The following SMOC1 variants were observed in gnomAD, a reference collection of about 807,000 sequenced individuals.
The protein encoded by SMOC1 is SPARC related modular calcium binding 1.
In SMOC1, 22 loss-of-function variants were observed where a neutral mutation model predicts 56.3. The observed-to-expected ratio is 0.39, with a 90% CI of 0.28 to 0.56. The LOEUF (loss-of-function observed/expected upper bound fraction) is 0.56, where lower values mean the gene tolerates loss of function less well. Among genes scored for constraint, SMOC1 ranks in the 20% least tolerant of loss-of-function variants. The pLI, the probability that SMOC1 is intolerant of heterozygous loss-of-function variation, is 0.61. For missense variants in SMOC1, 509 were observed against 565.4 expected, an observed-to-expected ratio of 0.90 and a Z score of 1.01; for synonymous variants, 193 against 215.0, an observed-to-expected ratio of 0.90 and a Z score of 0.89.
intron 1 of SMOC1, 96 bp downstream of exon 1, chr14:69,879,873 C>T: frequency 8.7e-7 from 1 of 1,145,798 alleles, no homozygotes; most frequent in Non-Finnish European, 1.2e-6. Flanking sequence ...AGAGAGATGT[C>T]AGAGACCTGT....
chr14:69,981,488 C>G (rs1365702046), intron 5 of SMOC1, among the ~76,000 whole-genome samples: 1 of 152,158 alleles, frequency 6.6e-6, no homozygotes, highest in African/African-American at 2.4e-5. Flanking sequence ...TCCCCTTCTT[C>G]TCCTTTGGTC....
At chr14:70,009,979 C>G (rs1047608605) in intron 7 of SMOC1, among the ~76,000 whole-genome samples, 5 of 152,174 alleles carry the variant, frequency 3.3e-5, no homozygotes, top group African/African-American at 1.2e-4. Flanking sequence ...ATGTGAGATG[C>G]CCTGGAGCTG....
chr14:69,975,344 A>T (rs1434465646), intron 3 of SMOC1, among the ~76,000 whole-genome samples: 2 of 152,158 alleles, frequency 1.3e-5, no homozygotes, highest in African/African-American at 2.4e-5. Context: ...CTGTGTCTCA[A>T]AAATAGGGTG....
intron 3 of SMOC1, among the ~76,000 whole-genome samples, chr14:69,969,614 C>T (rs537388906): frequency 9.9e-5 from 15 of 152,266 alleles, no homozygotes; most frequent in East Asian, 7.7e-4. Context: ...CCACCTCCCA[C>T]GCTGGGGATT....
At chr14:69,908,338 A>G (rs1438757635) in intron 1 of SMOC1, among the ~76,000 whole-genome samples, 2 of 152,250 alleles carry the variant, frequency 1.3e-5, no homozygotes, top group African/African-American at 4.8e-5. Flanking sequence ...GTAAAACCAA[A>G]GCAACCACTG....
At chr14:69,973,565 G>A (rs1191520494) in intron 3 of SMOC1, among the ~76,000 whole-genome samples, 1 of 152,218 alleles carries the variant, frequency 6.6e-6, no homozygotes, top group African/African-American at 2.4e-5. Flanking sequence ...GTGGGTGTGG[G>A]ACATGGTACT....
In SMOC1 at chr14:70,011,506, G is replaced by A; in HGVS notation, c.879G>A (p.Glu293=). ...TSTRYVMPSC[E]SDARAKTTEA... Reference sequence around the variant, plus strand: ...CCAGCTACGTGATGCCCAGTTGTGAGAGCGACGCCAGGGCCAAGACTACAG... The same window carrying A: ...CCAGCTACGTGATGCCCAGTTGTGAAAGCGACGCCAGGGCCAAGACTACAG... Residue 293 remains glutamate (E), a synonymous_variant, in exon 9 of 12, where the codon GAG becomes GAA. Coordinates refer to ENST00000361956, the MANE Select transcript of SMOC1 (RefSeq NM_001034852.3). 2 of 1,611,816 alleles carry A rather than the reference G, an allele frequency of 1.2e-6. No homozygotes were observed. Among genetic ancestry groups the A allele is most frequent in the South Asian group, 2.2e-5 (2 of 91,006 alleles).
At chr14:69,981,762 G>A (rs1364942843) in intron 5 of SMOC1, among the ~76,000 whole-genome samples, 1 of 152,222 alleles carries the variant, frequency 6.6e-6, no homozygotes, top group Admixed American at 6.5e-5. Flanking sequence ...AGATCAAGAA[G>A]TTATCCTGCA....
intron 11 of SMOC1, 77 bp from the exon 12 acceptor site, chr14:70,030,165 G>A: frequency 1.2e-6 from 2 of 1,601,662 alleles, no homozygotes; most frequent in Admixed American, 1.7e-5. Flanking sequence ...TTTCTCACAA[G>A]CCCAACTCTA....
chr14:69,906,365 T>G (rs1422217414), intron 1 of SMOC1, among the ~76,000 whole-genome samples: 1 of 152,224 alleles, frequency 6.6e-6, no homozygotes, highest in Non-Finnish European at 1.5e-5. Flanking sequence ...TTTGAAGGAC[T>G]CAGGTTACAG....
At chr14:69,949,422 G>A (rs1882913612) in intron 1 of SMOC1, among the ~76,000 whole-genome samples, 1 of 152,208 alleles carries the variant, frequency 6.6e-6, no homozygotes, top group Non-Finnish European at 1.5e-5. Context: ...CGGGGGAGGT[G>A]TTCACAGGCA....
intron 5 of SMOC1, among the ~76,000 whole-genome samples, chr14:69,989,796 T>C (rs1884497131): frequency 1.3e-5 from 2 of 152,320 alleles, no homozygotes; most frequent in Non-Finnish European, 2.9e-5. Flanking sequence ...AGAACTGATG[T>C]AGACCTTGGA....
intron 1 of SMOC1, among the ~76,000 whole-genome samples, chr14:69,943,842 G>A (rs1464816299): frequency 6.6e-6 from 1 of 152,176 alleles, no homozygotes; most frequent in Non-Finnish European, 1.5e-5. Context: ...TTCTCCTGGG[G>A]GCAACTACTA....
intron 1 of SMOC1, among the ~76,000 whole-genome samples, chr14:69,930,876 A>T (rs541437563): frequency 2.6e-5 from 4 of 152,292 alleles, no homozygotes; most frequent in African/African-American, 7.2e-5. Flanking sequence ...TGCTTCCAGA[A>T]TCTTCCTCTA....
chr14:69,885,463 G>A (rs1298576612), intron 1 of SMOC1: 14 of 1,601,004 alleles, frequency 8.7e-6, no homozygotes, highest in African/African-American at 1.3e-5. Context: ...ATCTGTCATT[G>A]TAATTGGTCC....
intron 3 of SMOC1, among the ~76,000 whole-genome samples, chr14:69,971,893 T>C (rs1883775411): frequency 1.3e-5 from 2 of 152,216 alleles, no homozygotes; most frequent in African/African-American, 4.8e-5. Flanking sequence ...CTCAGGCTGC[T>C]CAGAATAGGA....
chr14:69,954,239 C>T lies in SMOC1; in HGVS notation c.378+707C>T, dbSNP rs928719912. 9.2e-5 allele frequency among the ~76,000 whole-genome samples: 14 copies of T among 152,178 alleles called. No homozygotes were observed. In the South Asian group the frequency reaches 1.5e-3, roughly 16 times the overall value. On this transcript the variant is annotated intron_variant, in intron 3 of 11. Coordinates refer to ENST00000361956, the MANE Select transcript of SMOC1 (RefSeq NM_001034852.3). Reference sequence around the variant, plus strand: ...CTCACTCCAGGCTGGAGAGCAGTGGCACAATCATAGCTCATTGCAGCCTTG... The same window carrying T: ...CTCACTCCAGGCTGGAGAGCAGTGGTACAATCATAGCTCATTGCAGCCTTG...
chr14:69,959,571 A>G (rs931381488), intron 3 of SMOC1, among the ~76,000 whole-genome samples: 2 of 152,138 alleles, frequency 1.3e-5, no homozygotes, highest in African/African-American at 4.8e-5. Flanking sequence ...ATATAGTTGT[A>G]TGGGCACTAC....
intron 7 of SMOC1, among the ~76,000 whole-genome samples, chr14:69,997,420 G>A (rs148196763): frequency 0.01 from 1,533 of 152,352 alleles, 13 homozygotes; most frequent in Middle Eastern, 0.034. Flanking sequence ...GCAAAAGCAT[G>A]GGCTTTGGTG....
Sources: gnomAD v4.1 joint callset for allele counts (sites outside exome capture counted in the v4.1 genomes callset) on GRCh38, gnomAD v4.1.1 for gene constraint, MANE v1.5 for transcripts, NCBI Gene and HGNC (gene_info 2026-07-23, HGNC 2026-07-21) for gene names.